Variants in GRM8 observed in about 807,000 individuals in gnomAD.
The protein encoded by GRM8 is metabotropic glutamate receptor 8.
In GRM8, 47 loss-of-function variants were observed where a neutral mutation model predicts 87.2. The observed-to-expected ratio is 0.54, with a 90% confidence interval of 0.43 to 0.69. The LOEUF is 0.69. Ranked by LOEUF, GRM8 falls within the 30% of genes least tolerant of loss-of-function variation. GRM8 has a pLI of 0.00. For missense variants in GRM8, 1,019 were observed against 1,139.2 expected (o/e 0.89, Z 1.52); for synonymous variants, 396 against 404.5 (o/e 0.98, Z 0.25).
chr7:126,746,794 A>C (rs1384246052), intron 7 of GRM8, among the ~76,000 whole-genome samples: 4 of 151,748 alleles, frequency 2.6e-5, no homozygotes, highest in African/African-American at 9.7e-5. Flanking sequence ...TAAATATCTA[A>C]AATTGCTCAA....
intron 9 of GRM8, among the ~76,000 whole-genome samples, chr7:126,457,216 C>T (rs1215176083): frequency 6.6e-6 from 1 of 150,992 alleles, no homozygotes; most frequent in African/African-American, 2.4e-5. Context: ...AAAAAAATAT[C>T]CACGGTGAAG....
chr7:126,758,614 T>G (rs2151566575), intron 7 of GRM8, among the ~76,000 whole-genome samples: 1 of 152,266 alleles, frequency 6.6e-6, no homozygotes, highest in African/African-American at 2.4e-5. Context: ...AATGGCACAG[T>G]TTGGGCACAC....
At chr7:126,769,433 T>C (rs930376901) in intron 7 of GRM8, among the ~76,000 whole-genome samples, 1 of 152,048 alleles carries the variant, frequency 6.6e-6, no homozygotes, top group Non-Finnish European at 1.5e-5. Context: ...AGTATAAATA[T>C]ACAGCAACTC....
intron 2 of GRM8, among the ~76,000 whole-genome samples, chr7:127,170,146 C>T (rs1793705931): frequency 2.0e-5 from 3 of 152,090 alleles, no homozygotes; most frequent in Admixed American, 2.0e-4. Context: ...AAAAGATTTA[C>T]CATTCTAGAT....
intron 8 of GRM8, among the ~76,000 whole-genome samples, chr7:126,603,378 C>A (rs1193415626): frequency 2.0e-5 from 3 of 150,066 alleles, no homozygotes; most frequent in African/African-American, 7.4e-5. Flanking sequence ...GTTGGAAGTT[C>A]TGGCCAGGGC....
At chr7:127,184,931 T>C (rs1336834515) in intron 2 of GRM8, among the ~76,000 whole-genome samples, 1 of 151,940 alleles carries the variant, frequency 6.6e-6, no homozygotes, top group Non-Finnish European at 1.5e-5. Flanking sequence ...AAAATATGTA[T>C]AAGATCTATA....
intron 3 of GRM8, among the ~76,000 whole-genome samples, chr7:127,094,068 CAACTCTT>C (rs1824412915): frequency 1.3e-5 from 2 of 152,254 alleles, no homozygotes; most frequent in South Asian, 4.1e-4. Context: ...ATTCTCAGGC[CAACTCTT>C]TTAAGGCCTA....
At chr7:126,959,271 A>G (rs1809061671) in intron 3 of GRM8, among the ~76,000 whole-genome samples, 1 of 152,254 alleles carries the variant, frequency 6.6e-6, no homozygotes, top group African/African-American at 2.4e-5. Flanking sequence ...GCCCAATGCT[A>G]CAATACTACA....
chr7:127,180,120 A>G (rs1794350215), intron 2 of GRM8, among the ~76,000 whole-genome samples: 1 of 152,160 alleles, frequency 6.6e-6, no homozygotes, highest in Non-Finnish European at 1.5e-5. Context: ...TAACCAAGAA[A>G]AGAAGAGAGA....
intron 8 of GRM8, among the ~76,000 whole-genome samples, chr7:126,580,166 T>C (rs1468259827): frequency 6.6e-6 from 1 of 152,198 alleles, no homozygotes; most frequent in African/African-American, 2.4e-5. Flanking sequence ...TTAATCTTCC[T>C]AATGTCCAGC....
chr7:126,540,191 T>C (rs1757653468), intron 8 of GRM8, among the ~76,000 whole-genome samples: 1 of 152,206 alleles, frequency 6.6e-6, no homozygotes, highest in South Asian at 2.1e-4. Context: ...TTGTCAATAG[T>C]GCATGAAAAT....
In GRM8 at chr7:126,948,259, G is replaced by T. The variant is rs73453359; in HGVS notation, c.728-43576C>A. On this transcript the variant is annotated intron_variant, in intron 3 of 10. Coordinates refer to ENST00000339582, the MANE Select transcript of GRM8 (RefSeq NM_000845.3). ...ACCTTACTCTGCATGAAGAGACAGG[G>T]AATTTTTCATGGAGGAGGATATAAT... Among the ~76,000 whole-genome samples the T allele has an allele frequency of 2.1e-3, 317 of 151,924 alleles. 1 individual carries two copies. Among genetic ancestry groups the T allele is most frequent in the African/African-American group, 7.1e-3 (293 of 41,426 alleles).
chr7:126,872,784 G>C (rs1799213757), intron 6 of GRM8, among the ~76,000 whole-genome samples: 1 of 151,920 alleles, frequency 6.6e-6, no homozygotes, highest in South Asian at 2.1e-4. Context: ...CACTCCTCTT[G>C]GTCCACCTCC....
chr7:126,701,767 GA>G, intron 7 of GRM8: 2 of 1,267,098 alleles, frequency 1.6e-6, no homozygotes, highest in Non-Finnish European at 2.1e-6. Flanking sequence ...CCAACTACTG[GA>G]AAATGAAGGA....
chr7:126,907,973 C>A (rs1231409772), intron 3 of GRM8, among the ~76,000 whole-genome samples: 1 of 152,198 alleles, frequency 6.6e-6, no homozygotes, highest in Non-Finnish European at 1.5e-5. Flanking sequence ...AGTATGACTC[C>A]AAGGATTTGG....
chr7:126,763,504 G>A (rs1448082056), intron 7 of GRM8, among the ~76,000 whole-genome samples: 1 of 134,638 alleles, frequency 7.4e-6, no homozygotes, highest in Non-Finnish European at 1.6e-5. Context: ...CACAATTGTA[G>A]AATTATTTAC....
intron 3 of GRM8, among the ~76,000 whole-genome samples, chr7:126,942,025 T>G (rs1807001237): frequency 6.6e-6 from 1 of 152,244 alleles, no homozygotes; most frequent in Non-Finnish European, 1.5e-5. Context: ...CTTGAGAGAA[T>G]TAGCAAAGCC....
intron 2 of GRM8, among the ~76,000 whole-genome samples, chr7:127,237,335 G>A (rs1405681775): frequency 6.6e-6 from 1 of 152,152 alleles, no homozygotes; most frequent in Non-Finnish European, 1.5e-5. Flanking sequence ...TTTACTGACT[G>A]CACTCATTTA....
At chr7:126,474,542 G>A in intron 9 of GRM8, among the ~76,000 whole-genome samples, 1 of 152,130 alleles carries the variant, frequency 6.6e-6, no homozygotes, top group East Asian at 1.9e-4. Flanking sequence ...GGGATTATGG[G>A]CAAGAGCCAC....
Sources: gnomAD v4.1 joint callset for allele counts (sites outside exome capture counted in the v4.1 genomes callset) on GRCh38, gnomAD v4.1.1 for gene constraint, MANE v1.5 for transcripts, NCBI Gene and HGNC (gene_info 2026-07-23, HGNC 2026-07-21) for gene names.